The following ATF6 variants were observed in gnomAD, a reference collection of about 807,000 sequenced individuals.
ATF6 encodes the protein activating transcription factor 6, also known as cyclic AMP-dependent transcription factor ATF-6 alpha.
In ATF6, 53 loss-of-function variants were observed where a neutral mutation model predicts 83.6. The ratio of observed to expected loss-of-function variants is 0.63; its 90% CI spans 0.51 to 0.80. ATF6 has a LOEUF of 0.80. Ranked by LOEUF, ATF6 falls within the 30% of genes least tolerant of loss-of-function variation. The probability of loss-of-function intolerance (pLI) is 0.00; values close to 1 mark genes in which losing one functional copy is unlikely to be tolerated. For synonymous variants in ATF6, 288 were observed against 285.8 expected, an observed-to-expected ratio of 1.01 and a Z score of -0.08; for missense variants, 744 against 797.9, an observed-to-expected ratio of 0.93 and a Z score of 0.81.
chr1:161,955,416 A>G (rs1688947184), intron 15 of ATF6, among the ~76,000 whole-genome samples: 1 of 152,224 alleles, frequency 6.6e-6, no homozygotes, highest in Admixed American at 6.5e-5. Flanking sequence ...GCCATGATTA[A>G]GAGGAGTTCT....
At chr1:161,921,595 G>A (rs1266010287) in intron 15 of ATF6, among the ~76,000 whole-genome samples, 2 of 152,154 alleles carry the variant, frequency 1.3e-5, no homozygotes, top group African/African-American at 4.8e-5. Context: ...TTTGAGACCA[G>A]ACCACTGAGA....
chr1:161,921,328 A>G (rs774487597), intron 15 of ATF6, among the ~76,000 whole-genome samples: 1 of 152,238 alleles, frequency 6.6e-6, no homozygotes, highest in African/African-American at 2.4e-5. Flanking sequence ...ACTATCAAAC[A>G]TAAGAATAAT....
chr1:161,812,200 C>G (rs1380484748), intron 7 of ATF6, among the ~76,000 whole-genome samples: 2 of 151,934 alleles, frequency 1.3e-5, no homozygotes, highest in East Asian at 1.9e-4. Context: ...CTGAGGAATA[C>G]AGAGTAAGGA....
At chr1:161,943,735 C>T (rs755022218) in intron 15 of ATF6, among the ~76,000 whole-genome samples, 8 of 152,306 alleles carry the variant, frequency 5.3e-5, no homozygotes, top group Non-Finnish European at 7.3e-5. Context: ...CCTTTTCACA[C>T]GCACACAAAA....
chr1:161,927,136 A>C (rs1688331521), intron 15 of ATF6, among the ~76,000 whole-genome samples: 1 of 152,124 alleles, frequency 6.6e-6, no homozygotes, highest in Non-Finnish European at 1.5e-5. Context: ...TAGACCCCAG[A>C]GAAAACTTAG....
intron 9 of ATF6, among the ~76,000 whole-genome samples, chr1:161,835,168 C>T (rs1226366831): frequency 6.6e-6 from 1 of 152,188 alleles, no homozygotes; most frequent in Non-Finnish European, 1.5e-5. Flanking sequence ...CTCCTAGGCT[C>T]AAGCCTCCTG....
At chr1:161,820,752 A>AT (rs1158440167) in intron 8 of ATF6, among the ~76,000 whole-genome samples, 3 of 152,072 alleles carry the variant, frequency 2.0e-5, no homozygotes, top group African/African-American at 4.8e-5. Flanking sequence ...GTCTCAAAAA[A>AT]ATATATATAC....
intron 14 of ATF6, among the ~76,000 whole-genome samples, chr1:161,898,843 A>G (rs1473362111): frequency 6.6e-6 from 1 of 152,022 alleles, no homozygotes; most frequent in Non-Finnish European, 1.5e-5. Flanking sequence ...CCACCGTGCC[A>G]GGCCTGTATT....
intron 7 of ATF6, among the ~76,000 whole-genome samples, chr1:161,811,284 G>A (rs1230640412): frequency 2.0e-5 from 3 of 152,200 alleles, no homozygotes; most frequent in Non-Finnish European, 2.9e-5. Context: ...ATAACTATGT[G>A]AAAGAATATT....
At chr1:161,916,312 G>A (rs1373581619) in intron 15 of ATF6, among the ~76,000 whole-genome samples, 2 of 152,102 alleles carry the variant, frequency 1.3e-5, no homozygotes, top group Non-Finnish European at 2.9e-5. Flanking sequence ...TGACAGATGA[G>A]TGCAGTAAAT....
intron 1 of ATF6, among the ~76,000 whole-genome samples, chr1:161,770,067 A>G (rs1684350574): frequency 6.6e-6 from 1 of 151,864 alleles, no homozygotes. Flanking sequence ...TGCTCTACCT[A>G]TTTTTTCCTC....
intron 10 of ATF6, among the ~76,000 whole-genome samples, chr1:161,849,250 C>T (rs986640150): frequency 6.6e-6 from 1 of 152,100 alleles, no homozygotes; most frequent in Non-Finnish European, 1.5e-5. Context: ...TTTGTGTTTG[C>T]ATTCATTACC....
intron 1 of ATF6, among the ~76,000 whole-genome samples, chr1:161,767,417 G>T (rs552274517): frequency 6.6e-6 from 1 of 152,172 alleles, no homozygotes; most frequent in South Asian, 2.1e-4. Flanking sequence ...TTAATCCTTG[G>T]GTAGATTTTT....
At chr1:161,806,937 T>C (rs1232450993) in intron 7 of ATF6, among the ~76,000 whole-genome samples, 1 of 152,160 alleles carries the variant, frequency 6.6e-6, no homozygotes, top group Non-Finnish European at 1.5e-5. Flanking sequence ...TGATGTGACA[T>C]GGGCCTAGAT....
intron 15 of ATF6, among the ~76,000 whole-genome samples, chr1:161,955,923 T>G (rs571459653): frequency 1.2e-4 from 18 of 152,160 alleles, no homozygotes; most frequent in Non-Finnish European, 2.4e-4. Context: ...CTAGCCTGAG[T>G]CTCCTTCTGG....
chr1:161,810,280 G>A (rs575453588), intron 7 of ATF6, among the ~76,000 whole-genome samples: 1 of 152,212 alleles, frequency 6.6e-6, no homozygotes, highest in Non-Finnish European at 1.5e-5. Flanking sequence ...AATCATGACT[G>A]TGGGTGAGGG....
chr1:161,900,964 G>T (rs577754503), intron 14 of ATF6, among the ~76,000 whole-genome samples: 36 of 152,130 alleles, frequency 2.4e-4, no homozygotes, highest in Admixed American at 1.4e-3. Context: ...CATCATTATG[G>T]TGTTATGTAA....
intron 14 of ATF6, among the ~76,000 whole-genome samples, chr1:161,887,349 G>T (rs1006055276): frequency 3.3e-5 from 5 of 152,048 alleles, no homozygotes; most frequent in African/African-American, 7.3e-5. Context: ...TAAAGTGCTG[G>T]GATTACAGGC....
At chr1:161,782,104 A>T in intron 3 of ATF6, 105 bp downstream of exon 3, 2 of 720,516 alleles carry the variant, frequency 2.8e-6, no homozygotes, top group Non-Finnish European at 4.6e-6. Context: ...CTGGTAGGTT[A>T]AAAGATTCCT....
Sources: gnomAD v4.1 joint callset for allele counts (sites outside exome capture counted in the v4.1 genomes callset) on GRCh38, gnomAD v4.1.1 for gene constraint, MANE v1.5 for transcripts, NCBI Gene and HGNC (gene_info 2026-07-23, HGNC 2026-07-21) for gene names.